The following ERP44 variants were observed in gnomAD, a reference collection of about 807,000 sequenced individuals.
The protein encoded by ERP44 is endoplasmic reticulum resident protein 44.
A neutral mutation model predicts 53.4 loss-of-function variants in ERP44; 25 were observed. That is an observed-to-expected ratio of 0.47 (90% confidence interval 0.34 to 0.65). The LOEUF is 0.65. ERP44 is among the 30% of genes least tolerant of loss of function. ERP44 has a pLI of 0.01. For synonymous variants in ERP44, 145 were observed against 161.2 expected, an observed-to-expected ratio of 0.90 and a Z score of 0.76; for missense variants, 338 against 493.2, an observed-to-expected ratio of 0.69 and a Z score of 2.98.
chr9:100,067,452 C>T (rs914599076), intron 1 of ERP44, among the ~76,000 whole-genome samples: 1 of 152,206 alleles, frequency 6.6e-6, no homozygotes, highest in East Asian at 1.9e-4. Context: ...CTCGGCCTCC[C>T]GAGGTGCCGG....
At chr9:100,071,380 A>C (rs1460409478) in intron 1 of ERP44, among the ~76,000 whole-genome samples, 2 of 152,152 alleles carry the variant, frequency 1.3e-5, no homozygotes, top group Non-Finnish European at 2.9e-5. Flanking sequence ...TCATTACTAA[A>C]CATGTGGCCC....
chr9:100,069,083 T>C (rs1397342468), intron 1 of ERP44, among the ~76,000 whole-genome samples: 1 of 152,042 alleles, frequency 6.6e-6, no homozygotes, highest in Non-Finnish European at 1.5e-5. Flanking sequence ...AAACAGATGC[T>C]TGAAGGCAGC....
At chr9:100,045,454 A>C (rs1825955333) in intron 4 of ERP44, among the ~76,000 whole-genome samples, 2 of 152,268 alleles carry the variant, frequency 1.3e-5, no homozygotes, top group South Asian at 2.1e-4. Context: ...GGTAGGCATA[A>C]ATTTTTTTGT....
chr9:100,059,352 A>G (rs1033085346), intron 2 of ERP44, among the ~76,000 whole-genome samples: 1 of 152,212 alleles, frequency 6.6e-6, no homozygotes, highest in Non-Finnish European at 1.5e-5. Flanking sequence ...CAAGTTAATT[A>G]TATCCACAAC....
intron 8 of ERP44, among the ~76,000 whole-genome samples, chr9:100,008,692 T>C (rs1830442572): frequency 6.6e-6 from 1 of 152,232 alleles, no homozygotes; most frequent in African/African-American, 2.4e-5. Context: ...CACTTGTATA[T>C]AAGATCAATT....
rs190540777 is a variant in ERP44 at position 100,068,859 on chromosome 9, G to A, written c.58-8687C>T. Among the ~76,000 whole-genome samples, 998 of 152,364 alleles carry A rather than the reference G, an allele frequency of 6.6e-3. 6 individuals are homozygous for A. The highest frequency in any genetic ancestry group is 0.013 in the Admixed American group (192 of 15,310). ...TTTGTGGAATGGAAAGGGGGGAAAGGTGGGGAAAAGATTGAGAAAACGGAT... is the reference window on the plus strand; with the variant it reads ...TTTGTGGAATGGAAAGGGGGGAAAGATGGGGAAAAGATTGAGAAAACGGAT... On this transcript the variant is annotated intron_variant, in intron 1 of 11. Coordinates refer to ENST00000262455, the MANE Select transcript of ERP44 (RefSeq NM_015051.3).
At chr9:100,079,717 T>C (rs1826400854) in intron 1 of ERP44, among the ~76,000 whole-genome samples, 1 of 152,090 alleles carries the variant, frequency 6.6e-6, no homozygotes, top group Non-Finnish European at 1.5e-5. Context: ...AGGAGGATCT[T>C]GAGGCCAGGA....
At chr9:100,089,689 CGCTGAGGTG>C (rs1723736669) in intron 1 of ERP44, among the ~76,000 whole-genome samples, 1 of 150,896 alleles carries the variant, frequency 6.6e-6, no homozygotes, top group Non-Finnish European at 1.5e-5. Context: ...ATAAATCATA[CGCTGAGGTG>C]GCTAAGATCT....
At chr9:100,011,489 GTGAAAATGTCTTACTTTGCCTTACAA>G (rs1830475649) in intron 8 of ERP44, among the ~76,000 whole-genome samples, 1 of 152,140 alleles carries the variant, frequency 6.6e-6, no homozygotes. Flanking sequence ...GTATATACTA[GTGAAAATGTCTTACTTTGCCTTACAA>G]TGAAAAATGG....
chr9:100,023,287 G>T (rs1830613925), intron 4 of ERP44, among the ~76,000 whole-genome samples: 1 of 151,182 alleles, frequency 6.6e-6, no homozygotes, highest in South Asian at 2.1e-4. Context: ...TGAGAGAGTG[G>T]TACCATAAAC....
At chr9:100,052,576 T>C (rs368966493) in intron 3 of ERP44, 44 bp from the exon 4 acceptor site, 70 of 1,091,482 alleles carry the variant, frequency 6.4e-5, no homozygotes, top group Non-Finnish European at 8.7e-5. Flanking sequence ...AAAGCAGAAG[T>C]AATAAAATCT....
rs556693387 is a variant in ERP44 at position 100,039,226 on chromosome 9, C to T, written c.286+13191G>A. Reference sequence around the variant, plus strand: ...ACAGAACATTTCATCCAATGGCTGCCGAATACACATTCTTTTCCTCATCAC... The same window carrying T: ...ACAGAACATTTCATCCAATGGCTGCTGAATACACATTCTTTTCCTCATCAC... On this transcript the variant is annotated intron_variant, in intron 4 of 11. Coordinates refer to ENST00000262455, the MANE Select transcript of ERP44 (RefSeq NM_015051.3). 8.5e-5 allele frequency among the ~76,000 whole-genome samples: 13 copies of T among 152,184 alleles called. No homozygotes were observed. In the South Asian group the frequency reaches 2.3e-3, roughly 27 times the overall value.
At chr9:100,074,251 C>T (rs1339133417) in intron 1 of ERP44, among the ~76,000 whole-genome samples, 2 of 152,194 alleles carry the variant, frequency 1.3e-5, no homozygotes, top group Non-Finnish European at 2.9e-5. Flanking sequence ...TCCGCAGTTT[C>T]ATCCTGAAAC....
At chr9:100,079,129 G>C (rs1826391965) in intron 1 of ERP44, among the ~76,000 whole-genome samples, 1 of 152,074 alleles carries the variant, frequency 6.6e-6, no homozygotes, top group South Asian at 2.1e-4. Context: ...TGAGTCAGTG[G>C]GCTGGGAAAG....
At chr9:100,068,980 T>G (rs1052868805) in intron 1 of ERP44, among the ~76,000 whole-genome samples, 1 of 152,242 alleles carries the variant, frequency 6.6e-6, no homozygotes, top group Non-Finnish European at 1.5e-5. Flanking sequence ...CCTGTGGATC[T>G]GTGACCTTAC....
chr9:99,999,824 CT>C (rs1420952686), intron 10 of ERP44, among the ~76,000 whole-genome samples: 3 of 152,086 alleles, frequency 2.0e-5, no homozygotes. Context: ...ATGTTAATGT[CT>C]TTAATCTATT....
Position 100,007,581 on chromosome 9 carries a change from T to G in ERP44, c.871A>C (p.Lys291Gln). The change falls in exon 9 of 12, where the codon AAA becomes CAA. Residue 291 changes from lysine (K) to glutamine (Q), a missense_variant. Physicochemically the swap from Lys to Gln is moderately conservative, Grantham distance 53 (BLOSUM62 1). Coordinates refer to ENST00000262455, the MANE Select transcript of ERP44 (RefSeq NM_015051.3). ...ATAAACACCTTAATCTGTCTACCTT[T>G]TTCACTTATTAATTGCCGAGCTACT... ...NEVARQLISE[K>Q]GTINFLHADC... is the part of the protein sequence containing the mutation. 7.0e-7 allele frequency: 1 copy of G among 1,438,262 alleles called. No homozygotes were observed. Among genetic ancestry groups the G allele is most frequent in the South Asian group, 1.1e-5 (1 of 87,354 alleles). 89.1% of individuals were successfully genotyped at this position (1,438,262 alleles called of 1,614,324 possible).
At chr9:100,074,788 C>T (rs562550920) in intron 1 of ERP44, among the ~76,000 whole-genome samples, 67 of 152,292 alleles carry the variant, frequency 4.4e-4, no homozygotes, top group African/African-American at 1.4e-3. Flanking sequence ...AAAATGTCAT[C>T]GTGGTCCTCC....
intron 4 of ERP44, among the ~76,000 whole-genome samples, chr9:100,050,008 A>G (rs1030041528): frequency 1.9e-4 from 29 of 150,554 alleles, no homozygotes; most frequent in African/African-American, 6.8e-4. Context: ...TGCAACATGA[A>G]ACAATCTCAA....
Sources: allele counts gnomAD v4.1 joint callset (sites outside exome capture counted in the v4.1 genomes callset), GRCh38; gene constraint gnomAD v4.1.1; transcripts MANE v1.5; gene names NCBI Gene and HGNC (gene_info 2026-07-23, HGNC 2026-07-21).